The following KANSL1L variants were observed in gnomAD, a reference collection of about 807,000 sequenced individuals.
KANSL1L encodes KAT8 regulatory NSL complex subunit 1 like, also known as KAT8 regulatory NSL complex subunit 1-like protein.
KANSL1L carries 25 observed loss-of-function variants against 108.6 expected under a neutral mutation model. The ratio of observed to expected loss-of-function variants is 0.23; its 90% CI spans 0.17 to 0.32. The LOEUF (loss-of-function observed/expected upper bound fraction) is 0.32. Among genes scored for constraint, KANSL1L ranks in the 10% least tolerant of loss-of-function variants. The pLI, the probability that KANSL1L is intolerant of heterozygous loss-of-function variation, is 1.00. For synonymous variants in KANSL1L, 405 were observed against 395.1 expected, an observed-to-expected ratio of 1.03 and a Z score of -0.30; for missense variants, 1,137 against 1,125.7, an observed-to-expected ratio of 1.01 and a Z score of -0.14.
intron 6 of KANSL1L, among the ~76,000 whole-genome samples, chr2:210,054,735 G>T (rs1487039692): frequency 6.9e-6 from 1 of 145,234 alleles, no homozygotes; most frequent in South Asian, 2.2e-4. Flanking sequence ...GCAAGAAAAA[G>T]AAATAAAAAG....
Position 210,021,824 on chromosome 2 carries a change from C to CTT in KANSL1L, c.*1123_*1124dup, listed in dbSNP as rs2093861181. The CTT allele has an allele frequency of 6.6e-6, 1 of 151,320 alleles. No homozygotes were observed. Among genetic ancestry groups the CTT allele is most frequent in the Non-Finnish European group, 1.5e-5 (1 of 67,816 alleles). 9.4% of individuals were successfully genotyped at this position (151,320 alleles called of 1,614,324 possible). ...AAAGGAATTTTCTTTCATGTATACT[C>CTT]TTCAGTATCCAATATTGAAGCTTTG... On this transcript the variant is annotated 3_prime_UTR_variant, in exon 15 of 15. Transcript: ENST00000281772.
At chr2:210,166,104 A>C (rs1207137365) in intron 1 of KANSL1L, among the ~76,000 whole-genome samples, 1 of 152,166 alleles carries the variant, frequency 6.6e-6, no homozygotes, top group Admixed American at 6.5e-5. Flanking sequence ...CCAAAAATAA[A>C]GATGGACTAC....
At chr2:210,151,956 A>G (rs1575625179) in intron 2 of KANSL1L, 1 of 152,270 alleles carries the variant, frequency 6.6e-6, no homozygotes, top group East Asian at 1.9e-4. Flanking sequence ...ATTCTCATTT[A>G]TTTTTGAGAA....
chr2:210,150,135 A>T (rs1046381195), intron 2 of KANSL1L, among the ~76,000 whole-genome samples: 14 of 152,122 alleles, frequency 9.2e-5, no homozygotes, highest in Non-Finnish European at 1.8e-4. Flanking sequence ...AACTGATATT[A>T]AATTTCTTAG....
intron 5 of KANSL1L, among the ~76,000 whole-genome samples, chr2:210,087,506 T>C (rs1312965292): frequency 6.6e-6 from 1 of 152,150 alleles, no homozygotes; most frequent in African/African-American, 2.4e-5. Flanking sequence ...AATCTGACTA[T>C]AGGGAAGAAA....
Position 210,115,294 on chromosome 2 carries a change from G to A in KANSL1L, c.1231-10993C>T, listed in dbSNP as rs146871783. 3.8e-3 allele frequency among the ~76,000 whole-genome samples: 581 copies of A among 152,080 alleles called. 1 individual carries two copies. Among genetic ancestry groups the A allele is most frequent in the Admixed American group, 8.3e-3 (126 of 15,268 alleles). ...CAGATTTTAAATTAAAAAAGGTTAC[G>A]AGAGATAAGGACATTATATATTAAT... is the stretch of plus-strand genomic sequence containing the variant. On this transcript the variant is annotated intron_variant, in intron 3 of 14. Coordinates refer to ENST00000281772, the MANE Select transcript of KANSL1L (RefSeq NM_152519.4).
intron 13 of KANSL1L, 67 bp from the exon 14 acceptor site, chr2:210,024,268 C>T: frequency 7.9e-7 from 1 of 1,269,334 alleles, no homozygotes; most frequent in South Asian, 1.6e-5. Flanking sequence ...TTATGAACAA[C>T]CCAAGGTATC....
At chr2:210,111,430 G>C (rs1292448156) in intron 3 of KANSL1L, among the ~76,000 whole-genome samples, 1 of 152,114 alleles carries the variant, frequency 6.6e-6, no homozygotes, top group Non-Finnish European at 1.5e-5. Context: ...TTCTAGAAAA[G>C]GCAAAACTAT....
chr2:210,112,011 G>T (rs2094910887), intron 3 of KANSL1L, among the ~76,000 whole-genome samples: 1 of 151,376 alleles, frequency 6.6e-6, no homozygotes, highest in Non-Finnish European at 1.5e-5. Context: ...GTGATAGTTT[G>T]CTGAGAATGA....
At chr2:210,159,200 C>T (rs1022238436) in intron 1 of KANSL1L, among the ~76,000 whole-genome samples, 46 of 152,220 alleles carry the variant, frequency 3.0e-4, no homozygotes, top group African/African-American at 1.1e-3. Context: ...AATTACTGCA[C>T]TCCAGAAACA....
intron 6 of KANSL1L, among the ~76,000 whole-genome samples, chr2:210,047,345 A>C (rs2094235820): frequency 6.6e-6 from 1 of 152,204 alleles, no homozygotes; most frequent in South Asian, 2.1e-4. Context: ...CAGAAGGAGG[A>C]ACCAGGTTGG....
intron 2 of KANSL1L, chr2:210,152,592 AT>A (rs2095310589): frequency 6.6e-6 from 1 of 152,254 alleles, no homozygotes. Context: ...TCACAACTGA[AT>A]CTTAGTGTCT....
intron 5 of KANSL1L, among the ~76,000 whole-genome samples, chr2:210,077,676 A>G (rs1449303169): frequency 6.6e-6 from 1 of 152,202 alleles, no homozygotes; most frequent in Admixed American, 6.5e-5. Context: ...GGCTCTTAAA[A>G]GACATTGCTC....
At chr2:210,076,011 G>C (rs2094539652) in intron 5 of KANSL1L, among the ~76,000 whole-genome samples, 1 of 152,112 alleles carries the variant, frequency 6.6e-6, no homozygotes, top group Non-Finnish European at 1.5e-5. Context: ...AAATGCTCAT[G>C]AGTTTACTAG....
At chr2:210,081,144 G>A (rs2094586670) in intron 5 of KANSL1L, among the ~76,000 whole-genome samples, 1 of 151,910 alleles carries the variant, frequency 6.6e-6, no homozygotes, top group Admixed American at 6.6e-5. Flanking sequence ...ACACCTGCTT[G>A]TAACAAGGCC....
chr2:210,074,556 T>C (rs910442569), intron 6 of KANSL1L, among the ~76,000 whole-genome samples: 1 of 152,222 alleles, frequency 6.6e-6, no homozygotes, highest in Non-Finnish European at 1.5e-5. Context: ...GGTTTCGCCA[T>C]GTTGGCCAGG....
chr2:210,104,101 T>C lies in KANSL1L; in HGVS notation c.1428+3A>G, dbSNP rs1208738800. 6.2e-7 allele frequency: 1 copy of C among 1,609,512 alleles called. No homozygotes were observed. The highest frequency in any genetic ancestry group is 2.2e-5 in the East Asian group (1 of 44,812). On this transcript the variant is annotated splice_donor_region_variant and intron_variant, in intron 4 of 14. Coordinates refer to ENST00000281772, the MANE Select transcript of KANSL1L (RefSeq NM_152519.4). Reference sequence around the variant, plus strand: ...ACCACTGATATCCTTACTTTGACTTTACCTGTTTTTCGATGTTTCGAAGAA... The same window carrying C: ...ACCACTGATATCCTTACTTTGACTTCACCTGTTTTTCGATGTTTCGAAGAA...
chr2:210,131,831 C>T (rs1280454470), intron 2 of KANSL1L, among the ~76,000 whole-genome samples: 1 of 151,716 alleles, frequency 6.6e-6, no homozygotes, highest in Non-Finnish European at 1.5e-5. Flanking sequence ...TCCTGAGTAG[C>T]TGGGATTACA....
chr2:210,095,284 C>T lies in KANSL1L; in HGVS notation c.1550+2802G>A, dbSNP rs1001293516. On this transcript the variant is annotated intron_variant, in intron 5 of 14. Transcript: ENST00000281772. ...ACTTTGTATGTCCCTTTTATTATAG[C>T]CTTTAAAATCAGTGGCCTTGAAGGG... Among the ~76,000 whole-genome samples, 3 of 152,122 alleles carry T rather than the reference C, an allele frequency of 2.0e-5. No individual in the cohort carries two copies. The South Asian group carries it at 6.2e-4, about 32-fold the overall frequency.
Sources: allele counts gnomAD v4.1 joint callset (sites outside exome capture counted in the v4.1 genomes callset), GRCh38; gene constraint gnomAD v4.1.1; transcripts MANE v1.5; gene names NCBI Gene and HGNC (gene_info 2026-07-23, HGNC 2026-07-21).